SLC24A2: variants seen among roughly 807,000 people sequenced by gnomAD.
The protein encoded by SLC24A2 is solute carrier family 24 member 2.
A neutral mutation model predicts 62.0 loss-of-function variants in SLC24A2; 36 were observed. The ratio of observed to expected loss-of-function variants is 0.58; its 90% CI spans 0.44 to 0.77. SLC24A2 has a LOEUF of 0.77. Among genes scored for constraint, SLC24A2 ranks in the 30% least tolerant of loss-of-function variants. The pLI, the probability that SLC24A2 is intolerant of heterozygous loss-of-function variation, is 0.00. For missense variants in SLC24A2, 846 were observed against 817.9 expected (o/e 1.03, Z -0.42); for synonymous variants, 358 against 294.0 (o/e 1.22, Z -2.23).
At chr9:19,964,112 C>A in the SLC24A2 span, among the ~76,000 whole-genome samples, 3 of 151,102 alleles carry the variant, frequency 2.0e-5, no homozygotes, top group African/African-American at 7.3e-5. Context: ...AGTAAACTAT[C>A]GCAAGGACAA....
At chr9:20,304,454 G>C in the SLC24A2 span, among the ~76,000 whole-genome samples, 4 of 152,072 alleles carry the variant, frequency 2.6e-5, no homozygotes, top group Admixed American at 2.6e-4. Flanking sequence ...CAGAGATAGA[G>C]ATAATTTTCT....
the SLC24A2 span, among the ~76,000 whole-genome samples, chr9:19,907,778 G>C: frequency 1.3e-5 from 2 of 152,042 alleles, no homozygotes; most frequent in Admixed American, 6.6e-5. Flanking sequence ...AACTTACAAG[G>C]GATTTGAAGG....
chr9:19,689,731 T>C (rs774485828), intron 2 of SLC24A2, among the ~76,000 whole-genome samples: 12 of 152,146 alleles, frequency 7.9e-5, no homozygotes, highest in Non-Finnish European at 1.5e-4. Context: ...CTTTTTAAAA[T>C]AGCATCTCAA....
the SLC24A2 span, among the ~76,000 whole-genome samples, chr9:20,162,946 ACT>A: frequency 6.6e-6 from 1 of 152,114 alleles, no homozygotes; most frequent in African/African-American, 2.4e-5. Context: ...CATGATAAAA[ACT>A]CTCAATAAAT....
At chr9:19,885,375 T>A in the SLC24A2 span, among the ~76,000 whole-genome samples, 7 of 152,210 alleles carry the variant, frequency 4.6e-5, no homozygotes, top group Non-Finnish European at 8.8e-5. Context: ...GATGTTCACA[T>A]GGAATCATGG....
the SLC24A2 span, among the ~76,000 whole-genome samples, chr9:20,107,387 G>T: frequency 1.3e-5 from 2 of 151,720 alleles, no homozygotes; most frequent in South Asian, 2.1e-4. Flanking sequence ...ACATTGCCAA[G>T]TCAATCCTAA....
At chr9:19,673,983 C>T (rs544987548) in intron 2 of SLC24A2, among the ~76,000 whole-genome samples, 16 of 152,092 alleles carry the variant, frequency 1.1e-4, no homozygotes, top group Non-Finnish European at 7.4e-5. Flanking sequence ...GAGATTTATG[C>T]TTTAAGGAGG....
At chr9:20,012,867 G>A in the SLC24A2 span, among the ~76,000 whole-genome samples, 7 of 150,908 alleles carry the variant, frequency 4.6e-5, no homozygotes, top group Admixed American at 4.6e-4. Context: ...CTTGTATGTT[G>A]AAAACTATAA....
chr9:20,195,915 C>A, the SLC24A2 span, among the ~76,000 whole-genome samples: 10 of 151,680 alleles, frequency 6.6e-5, 1 homozygote, highest in South Asian at 1.5e-3. Flanking sequence ...TATATAAAAC[C>A]ATAAGAAAAA....
chr9:19,930,165 C>A, the SLC24A2 span, among the ~76,000 whole-genome samples: 738 of 152,152 alleles, frequency 4.9e-3, 4 homozygotes, highest in Non-Finnish European at 8.4e-3. Flanking sequence ...CAGTAATGTC[C>A]TAGGTCTTCA....
At chr9:19,876,249 T>C in the SLC24A2 span, among the ~76,000 whole-genome samples, 2 of 152,174 alleles carry the variant, frequency 1.3e-5, no homozygotes, top group Non-Finnish European at 2.9e-5. Context: ...AAGACATCAT[T>C]ACATGAATTA....
the SLC24A2 span, among the ~76,000 whole-genome samples, chr9:19,979,743 C>T: frequency 2.7e-4 from 41 of 152,208 alleles, no homozygotes; most frequent in African/African-American, 8.9e-4. Flanking sequence ...CTCTCCATTG[C>T]CTGAAATTCT....
the SLC24A2 span, among the ~76,000 whole-genome samples, chr9:20,001,402 G>A: frequency 6.6e-6 from 1 of 152,218 alleles, no homozygotes; most frequent in African/African-American, 2.4e-5. Context: ...GTTAAGCCTA[G>A]CAGGAAGGGG....
chr9:19,760,914 C>A (rs1425293480), intron 2 of SLC24A2, among the ~76,000 whole-genome samples: 1 of 44,160 alleles, frequency 2.3e-5, no homozygotes, highest in Non-Finnish European at 3.9e-5. Context: ...GGCCTGTTGC[C>A]GGGTGGGGGG....
chr9:20,108,322 A>T, the SLC24A2 span, among the ~76,000 whole-genome samples: 1 of 152,132 alleles, frequency 6.6e-6, no homozygotes, highest in Non-Finnish European at 1.5e-5. Context: ...TAGAAATACC[A>T]TTTGACCCAG....
chr9:20,238,138 A>G, the SLC24A2 span, among the ~76,000 whole-genome samples: 2 of 152,192 alleles, frequency 1.3e-5, no homozygotes, highest in Non-Finnish European at 2.9e-5. Context: ...GTTCCTGCCT[A>G]TTCAGATTCA....
chr9:20,034,660 G>A, the SLC24A2 span, among the ~76,000 whole-genome samples: 25 of 151,950 alleles, frequency 1.6e-4, no homozygotes, highest in African/African-American at 6.0e-4. Flanking sequence ...AGTAGAGACG[G>A]GGTTTCACCG....
chr9:19,976,711 A>G, the SLC24A2 span, among the ~76,000 whole-genome samples: 1 of 152,228 alleles, frequency 6.6e-6, no homozygotes, highest in Non-Finnish European at 1.5e-5. Flanking sequence ...ACCATTTGGT[A>G]TAAGAAATTT....
the SLC24A2 span, among the ~76,000 whole-genome samples, chr9:20,266,567 G>A: frequency 1.3e-5 from 2 of 152,014 alleles, no homozygotes; most frequent in Non-Finnish European, 2.9e-5. Context: ...CATCTGCTAA[G>A]CACCTAATAA....
Sources: allele counts gnomAD v4.1 joint callset (sites outside exome capture counted in the v4.1 genomes callset), GRCh38; gene constraint gnomAD v4.1.1; transcripts MANE v1.5; gene names NCBI Gene and HGNC (gene_info 2026-07-23, HGNC 2026-07-21).